Variants in LPA observed in about 807,000 individuals in gnomAD.
The protein encoded by LPA is lipoprotein(a).
Under a neutral mutation model 197.9 loss-of-function variants are expected in LPA, and 199 were observed. The observed-to-expected ratio is 1.01, with a 90% CI of 0.90 to 1.13. The LOEUF (loss-of-function observed/expected upper bound fraction) is 1.13. LPA is among the 50% of genes most tolerant of loss of function. LPA has a pLI of 0.00. For synonymous variants in LPA, 715 were observed against 639.5 expected (o/e 1.12, Z -1.78); for missense variants, 1,853 against 1,785.8 (o/e 1.04, Z -0.68).
At chr6:160,570,138 T>G (rs1250750735) in intron 28 of LPA, among the ~76,000 whole-genome samples, 1 of 152,224 alleles carries the variant, frequency 6.6e-6, no homozygotes, top group Non-Finnish European at 1.5e-5. Flanking sequence ...TTACTGGATA[T>G]ATATCTAAAG....
At chr6:160,535,736 G>A (rs552228281) in intron 37 of LPA, among the ~76,000 whole-genome samples, 1 of 152,130 alleles carries the variant, frequency 6.6e-6, no homozygotes, top group South Asian at 2.1e-4. Context: ...TGATGATGAT[G>A]ATTATGTGTA....
At chr6:160,532,036 A>C (rs989369945) in intron 38 of LPA, 146 bp from the exon 39 acceptor site, 1 of 915,638 alleles carries the variant, frequency 1.1e-6, no homozygotes, top group Non-Finnish European at 1.8e-6. Context: ...AAGCATCTGC[A>C]GTGCTTAAGT....
At chr6:160,651,555 G>T (rs1216535968) in intron 1 of LPA, among the ~76,000 whole-genome samples, 1 of 152,192 alleles carries the variant, frequency 6.6e-6, no homozygotes, top group Non-Finnish European at 1.5e-5. Context: ...GAAGATGGGT[G>T]CCCATTTCAA....
At chr6:160,606,392 T>A in intron 17 of LPA, 85 bp downstream of exon 17, 1 of 1,541,446 alleles carries the variant, frequency 6.5e-7, no homozygotes, top group Non-Finnish European at 9.0e-7. Flanking sequence ...CCGTTTACCA[T>A]TGGAGGCTGC....
chr6:160,576,330 G>T (rs1382093724), intron 28 of LPA, among the ~76,000 whole-genome samples: 3 of 52,478 alleles, frequency 5.7e-5, no homozygotes, highest in South Asian at 2.2e-3. Context: ...ATGTGTGTGT[G>T]TGTGTGTGTG....
chr6:160,636,003 GTCCTTCTC>G (rs1473581955), intron 6 of LPA, among the ~76,000 whole-genome samples: 29 of 26,608 alleles, frequency 1.1e-3, no homozygotes, highest in African/African-American at 7.8e-3. Flanking sequence ...TCCTAGGCAG[GTCCTTCTC>G]TCCTGCTCTC....
chr6:160,541,284 C>T, intron 34 of LPA, 103 bp from the exon 35 acceptor site: 1 of 869,522 alleles, frequency 1.2e-6, no homozygotes, highest in Non-Finnish European at 1.9e-6. Context: ...TGATCATGTT[C>T]ATATTCCCAA....
chr6:160,585,164 C>T lies in LPA; in HGVS notation c.4171G>A (p.Gly1391Ser). 6.2e-7 allele frequency: 1 copy of T among 1,613,670 alleles called. No homozygotes were observed. Among genetic ancestry groups the T allele is most frequent in the Non-Finnish European group, 8.5e-7 (1 of 1,179,814 alleles). ...GTGCCTCGATAACTCTGTCCATCAC[C>T]TCGGTAGCAGTCCTGGACCCCAGTG... Reference protein sequence around the residue: ...NSTGVQDCYRGDGQSYRGTLS... With the variant: ...NSTGVQDCYRSDGQSYRGTLS... Residue 1391 changes from glycine to serine, a missense_variant, in exon 26 of 39, where the codon GGT becomes AGT. Physicochemically the swap from Gly to Ser is moderately conservative, Grantham distance 56. This residue lies in a region of LPA where 1,737 missense variants were observed against 1,504.4 expected (regional missense o/e 1.15). Transcript: ENST00000316300.
At chr6:160,534,333 C>T (rs973911296) in intron 37 of LPA, among the ~76,000 whole-genome samples, 1 of 152,236 alleles carries the variant, frequency 6.6e-6, no homozygotes, top group Non-Finnish European at 1.5e-5. Context: ...GGAAAACCCA[C>T]CAGGAGTTGC....
chr6:160,577,967 T>C (rs1010885024), intron 27 of LPA, among the ~76,000 whole-genome samples: 1 of 152,084 alleles, frequency 6.6e-6, no homozygotes, highest in Non-Finnish European at 1.5e-5. Flanking sequence ...ATTTCTAACT[T>C]CAAAGCTGAG....
intron 32 of LPA, among the ~76,000 whole-genome samples, chr6:160,546,416 T>A (rs1205406153): frequency 1.3e-5 from 2 of 152,178 alleles, no homozygotes; most frequent in Non-Finnish European, 1.5e-5. Flanking sequence ...GCCCTGTGCA[T>A]CTCTTCCACC....
chr6:160,586,883 T>C (rs566479725), intron 24 of LPA, among the ~76,000 whole-genome samples: 2 of 152,330 alleles, frequency 1.3e-5, no homozygotes, highest in East Asian at 1.9e-4. Context: ...AACATCAATG[T>C]GTACCAGAAA....
intron 28 of LPA, among the ~76,000 whole-genome samples, chr6:160,566,942 A>G (rs1240637608): frequency 6.6e-6 from 1 of 152,252 alleles, no homozygotes; most frequent in Non-Finnish European, 1.5e-5. Context: ...AAGAAGAGCT[A>G]ACTATCCTAA....
At chr6:160,543,537 C>T (rs993015805) in intron 33 of LPA, among the ~76,000 whole-genome samples, 1 of 152,184 alleles carries the variant, frequency 6.6e-6, no homozygotes, top group Non-Finnish European at 1.5e-5. Flanking sequence ...CTGAGTTTTC[C>T]AAATAACTTT....
chr6:160,586,698 A>G lies in LPA; in HGVS notation c.3948-68T>C, dbSNP rs544919412. The G allele has an allele frequency of 1.7e-5, 27 of 1,607,516 alleles. No individual in the cohort carries two copies. In the East Asian group the frequency reaches 5.6e-4, roughly 33 times the overall value. The stretch of plus-strand genomic sequence containing the variant: ...GATACAGCACCACCTGGCACCCTCT[A>G]TGTTTTCTTGTAACAAAGTGTAAAC... On this transcript the variant is annotated intron_variant, in intron 24 of 38. Transcript: ENST00000316300.
intron 16 of LPA, among the ~76,000 whole-genome samples, chr6:160,610,444 T>G (rs1310446874): frequency 1.3e-5 from 2 of 152,174 alleles, no homozygotes; most frequent in East Asian, 1.9e-4. Context: ...GAGCACTCTC[T>G]CATCTAGCTG....
chr6:160,649,267 G>C (rs1415650341), intron 2 of LPA, among the ~76,000 whole-genome samples: 1 of 152,052 alleles, frequency 6.6e-6, no homozygotes, highest in Non-Finnish European at 1.5e-5. Context: ...AGTGCTATTT[G>C]AGCTCTGTCA....
intron 28 of LPA, among the ~76,000 whole-genome samples, chr6:160,561,533 TAGGTTGTCTTGGATATAC>T (rs1180878796): frequency 5.3e-5 from 8 of 152,238 alleles, no homozygotes; most frequent in Admixed American, 4.6e-4. Flanking sequence ...TCTTTTTGCT[TAGGTTGTCTTGGATATAC>T]AGGCCCTTTT....
intron 6 of LPA, among the ~76,000 whole-genome samples, chr6:160,637,555 G>GTGTC (rs1779820953): frequency 2.7e-5 from 2 of 74,470 alleles, no homozygotes; most frequent in African/African-American, 4.6e-5. Flanking sequence ...GTGTGTGTGT[G>GTGTC]TGTGTGTGTG....
Sources: gnomAD v4.1 joint callset for allele counts (sites outside exome capture counted in the v4.1 genomes callset) on GRCh38, gnomAD v4.1.1 for gene constraint, gnomAD v4.1.1 regional missense constraint, MANE v1.5 for transcripts, NCBI Gene and HGNC (gene_info 2026-07-23, HGNC 2026-07-21) for gene names.